The following ZSWIM5 variants were observed in gnomAD, a reference collection of about 807,000 sequenced individuals.
ZSWIM5 encodes zinc finger SWIM-type containing 5.
ZSWIM5 carries 55 observed loss-of-function variants against 119.6 expected under a neutral mutation model. That is an observed-to-expected ratio of 0.46 (90% confidence interval 0.37 to 0.58). ZSWIM5 has a LOEUF of 0.58. ZSWIM5 is among the 20% of genes least tolerant of loss of function. The pLI is 0.00. For missense variants in ZSWIM5, 1,193 were observed against 1,512.8 expected (o/e 0.79, Z 3.51); for synonymous variants, 537 against 606.9 (o/e 0.88, Z 1.69).
chr1:45,145,048 A>G (rs560807984), intron 1 of ZSWIM5, among the ~76,000 whole-genome samples: 1 of 152,352 alleles, frequency 6.6e-6, no homozygotes, highest in South Asian at 2.1e-4. Flanking sequence ...AATGGCAAAT[A>G]AGTACATGAA....
At chr1:45,027,808 C>G (rs1644929488) in intron 11 of ZSWIM5, among the ~76,000 whole-genome samples, 1 of 152,068 alleles carries the variant, frequency 6.6e-6, no homozygotes, top group Non-Finnish European at 1.5e-5. Flanking sequence ...CCTCCCAAGC[C>G]ACTGGGATTA....
At chr1:45,169,878 A>G (rs566604741) in intron 1 of ZSWIM5, among the ~76,000 whole-genome samples, 1 of 152,234 alleles carries the variant, frequency 6.6e-6, no homozygotes, top group African/African-American at 2.4e-5. Context: ...TAAAACCTAT[A>G]TTATACACAT....
chr1:45,088,224 A>G lies in ZSWIM5; in HGVS notation c.609T>C (p.Ser203=), dbSNP rs766165763. Residue 203 remains serine (S), a synonymous_variant, in exon 2 of 14, where the codon AGT becomes AGC. Transcript: ENST00000359600. This position sits in a 1 kb window ranked among gnomAD's most constrained non-coding sequence, Gnocchi z 4.2. ...ENVLQVGFHL[S]GTVTELATAS... The stretch of plus-strand genomic sequence containing the variant: ...CAGTGGCCAGCTCAGTTACTGTGCC[A>G]CTCAGATGAAAGCCTAAGGAAACAC... 1 of 1,597,674 alleles carries G rather than the reference A, an allele frequency of 6.3e-7. No homozygotes were observed. The highest frequency in any genetic ancestry group is 1.1e-5 in the South Asian group (1 of 88,764).
In ZSWIM5 at chr1:45,182,812, C is replaced by T. The variant is rs980772492; in HGVS notation, c.595+22944G>A. ...CACAATAATAAGGGAGACTTTAACA[C>T]CCCACTGTCAACATTAGACAGATCA... On this transcript the variant is annotated intron_variant, in intron 1 of 13. Transcript: ENST00000359600. Among the ~76,000 whole-genome samples the T allele has an allele frequency of 5.9e-5, 9 of 152,108 alleles. No individual in the cohort carries two copies. The South Asian group carries it at 6.2e-4, about 11-fold the overall frequency.
chr1:45,172,208 C>A (rs1422960054), intron 1 of ZSWIM5, among the ~76,000 whole-genome samples: 4 of 152,018 alleles, frequency 2.6e-5, no homozygotes, highest in Non-Finnish European at 5.9e-5. Flanking sequence ...AAACATGATT[C>A]TGGTTGGCGG....
Position 45,097,181 on chromosome 1 carries a change from C to A in ZSWIM5, c.596-8944G>T, listed in dbSNP as rs576152390. Among the ~76,000 whole-genome samples, 10 of 152,354 alleles carry A rather than the reference C, an allele frequency of 6.6e-5. No individual in the cohort carries two copies. The South Asian group carries it at 1.9e-3, about 28-fold the overall frequency. On this transcript the variant is annotated intron_variant, in intron 1 of 13. Transcript: ENST00000359600. ...CACGGGAATTGACTGAAATTGTTCA[C>A]TTAACAGTTTTCTTTCCCAGCATTA... is the stretch of plus-strand genomic sequence containing the variant.
chr1:45,192,637 T>A (rs990645375), intron 1 of ZSWIM5, among the ~76,000 whole-genome samples: 3 of 152,190 alleles, frequency 2.0e-5, no homozygotes, highest in African/African-American at 4.8e-5. Context: ...TAAATATCTA[T>A]TCAATTCCCT....
At chr1:45,115,626 G>A (rs1350987561) in intron 1 of ZSWIM5, among the ~76,000 whole-genome samples, 3 of 150,764 alleles carry the variant, frequency 2.0e-5, no homozygotes, top group African/African-American at 4.9e-5. Flanking sequence ...GATGGCGGCC[G>A]GGAAGAGGCG....
Position 45,057,234 on chromosome 1 carries a change from T to C in ZSWIM5, c.1252+1375A>G, listed in dbSNP as rs1371873519. On this transcript the variant is annotated intron_variant, in intron 4 of 13. Transcript: ENST00000359600. The surrounding 1 kb of genome is among the most constrained non-coding windows in gnomAD (Gnocchi z 4.7). ...AGAAACTCGGGATAGGGCCCAGTGA[T>C]CTGTTTAAACAAGTACTCCAGGTGA... 6.6e-6 allele frequency among the ~76,000 whole-genome samples: 1 copy of C among 152,226 alleles called. No homozygotes were observed. The highest frequency in any genetic ancestry group is 1.5e-5 in the Non-Finnish European group (1 of 68,032).
chr1:45,188,863 T>C (rs1646074829), intron 1 of ZSWIM5, among the ~76,000 whole-genome samples: 1 of 152,218 alleles, frequency 6.6e-6, no homozygotes, highest in African/African-American at 2.4e-5. Flanking sequence ...CAACTCCTTT[T>C]CAATTCTAAT....
chr1:45,170,458 T>C (rs1335901146), intron 1 of ZSWIM5, among the ~76,000 whole-genome samples: 1 of 151,098 alleles, frequency 6.6e-6, no homozygotes, highest in Non-Finnish European at 1.5e-5. Flanking sequence ...AGGGTCTTGC[T>C]CTGTCACCCC....
At position 45,019,410 on chromosome 1, in the gene ZSWIM5, G is replaced by A; in HGVS notation, c.2696-94C>T. On this transcript the variant is annotated intron_variant, in intron 13 of 13. Coordinates refer to ENST00000359600, the MANE Select transcript of ZSWIM5 (RefSeq NM_020883.2). This position sits in a 1 kb window ranked among gnomAD's most constrained non-coding sequence, Gnocchi z 5.0. ...TTGGGGTTTGAACTTGGCCTGCAGA[G>A]ATGAATTCTTCCTCCTCAGCAACCT... is the stretch of plus-strand genomic sequence containing the variant. The A allele has an allele frequency of 6.7e-7, 1 of 1,482,354 alleles. No homozygotes were observed. Among genetic ancestry groups the A allele is most frequent in the Non-Finnish European group, 9.0e-7 (1 of 1,113,146 alleles). The allele number at this position is 1,482,354 out of a possible 1,614,324, so 91.8% of individuals were successfully genotyped here. A position where few individuals can be genotyped will look rare whatever the true frequency, so the allele number is the denominator to read the frequency against.
intron 2 of ZSWIM5, among the ~76,000 whole-genome samples, chr1:45,084,082 G>T (rs899697286): frequency 6.6e-6 from 1 of 152,072 alleles, no homozygotes; most frequent in East Asian, 1.9e-4. Flanking sequence ...GCTAATTTTT[G>T]AATTTTTTGT....
chr1:45,171,668 A>G (rs1264780471), intron 1 of ZSWIM5, among the ~76,000 whole-genome samples: 4 of 152,120 alleles, frequency 2.6e-5, no homozygotes, highest in African/African-American at 9.6e-5. Context: ...AAAGAAATAA[A>G]GCACTATCAA....
chr1:45,090,671 T>C (rs1645359654), intron 1 of ZSWIM5, among the ~76,000 whole-genome samples: 1 of 151,764 alleles, frequency 6.6e-6, no homozygotes, highest in South Asian at 2.1e-4. Flanking sequence ...AGTAAATAAA[T>C]AAGCAAGCTG....
intron 2 of ZSWIM5, among the ~76,000 whole-genome samples, chr1:45,075,620 T>C (rs1272287171): frequency 6.6e-6 from 1 of 152,126 alleles, no homozygotes; most frequent in Non-Finnish European, 1.5e-5. Flanking sequence ...GTGTTTCTTG[T>C]AGGTAACAGA....
chr1:45,049,612 G>T (rs1570026307), intron 5 of ZSWIM5, among the ~76,000 whole-genome samples: 1 of 152,188 alleles, frequency 6.6e-6, no homozygotes, highest in East Asian at 1.9e-4. Context: ...TGAGGAGTTT[G>T]ACACCAGCCT....
chr1:45,137,589 A>G (rs1244801513), intron 1 of ZSWIM5, among the ~76,000 whole-genome samples: 1 of 152,160 alleles, frequency 6.6e-6, no homozygotes, highest in Non-Finnish European at 1.5e-5. Flanking sequence ...AAGATGAGGG[A>G]TTTGCCCATG....
chr1:45,021,105 G>T (rs1035876619), intron 11 of ZSWIM5, among the ~76,000 whole-genome samples: 1 of 151,438 alleles, frequency 6.6e-6, no homozygotes, highest in African/African-American at 2.4e-5. Context: ...GCTTGATCTC[G>T]GCTCACTGCA....
Sources: allele counts gnomAD v4.1 joint callset (sites outside exome capture counted in the v4.1 genomes callset), GRCh38; gene constraint gnomAD v4.1.1; non-coding constraint Gnocchi (gnomAD v3.1); transcripts MANE v1.5; gene names NCBI Gene and HGNC (gene_info 2026-07-23, HGNC 2026-07-21).